CMIP: variants seen among roughly 807,000 people sequenced by gnomAD.
CMIP encodes c-Maf inducing protein.
Under a neutral mutation model 97.3 loss-of-function variants are expected in CMIP, and 13 were observed. The ratio of observed to expected loss-of-function variants is 0.13; its 90% CI spans 0.09 to 0.21. The LOEUF (loss-of-function observed/expected upper bound fraction) is 0.21. CMIP is among the 10% of genes least tolerant of loss of function. The probability of loss-of-function intolerance (pLI) is 1.00; values close to 1 mark genes in which losing one functional copy is unlikely to be tolerated. For missense variants in CMIP, 847 were observed against 1,024.9 expected (o/e 0.83, Z 2.37); for synonymous variants, 538 against 436.3 (o/e 1.23, Z -2.91).
At chr16:81,546,755 G>T (rs1215629267) in intron 1 of CMIP, among the ~76,000 whole-genome samples, 1 of 152,172 alleles carries the variant, frequency 6.6e-6, no homozygotes, top group Non-Finnish European at 1.5e-5. Context: ...CACTGGATGG[G>T]AGCTAGACAT....
chr16:81,690,679 C>G (rs1219471455), intron 10 of CMIP, among the ~76,000 whole-genome samples: 2 of 152,198 alleles, frequency 1.3e-5, no homozygotes, highest in African/African-American at 4.8e-5. Context: ...TATCCCAGCA[C>G]TTTGGGAGGC....
At chr16:81,479,800 C>T (rs764553542) in intron 1 of CMIP, among the ~76,000 whole-genome samples, 2 of 152,186 alleles carry the variant, frequency 1.3e-5, no homozygotes, top group East Asian at 1.9e-4. Flanking sequence ...TTTCCCCCTA[C>T]CCCCGGCTCT....
chr16:81,606,297 C>T (rs1412767761), intron 1 of CMIP, among the ~76,000 whole-genome samples: 2 of 152,188 alleles, frequency 1.3e-5, no homozygotes, highest in African/African-American at 4.8e-5. Context: ...GATACCTGTT[C>T]CACAAGACCT....
intron 1 of CMIP, among the ~76,000 whole-genome samples, chr16:81,459,056 A>T (rs975808670): frequency 7.1e-6 from 1 of 141,402 alleles, no homozygotes; most frequent in East Asian, 2.2e-4. Context: ...CACCATCACC[A>T]TCACTGTCAC....
At chr16:81,554,407 G>A (rs560280833) in intron 1 of CMIP, among the ~76,000 whole-genome samples, 12 of 152,260 alleles carry the variant, frequency 7.9e-5, no homozygotes, top group South Asian at 2.1e-4. Context: ...TGTAGCATCC[G>A]TTCTGCTACT....
At chr16:81,489,780 G>T (rs147951255) in intron 1 of CMIP, among the ~76,000 whole-genome samples, 3 of 152,212 alleles carry the variant, frequency 2.0e-5, no homozygotes, top group African/African-American at 7.2e-5. Flanking sequence ...GGCCCTTCAC[G>T]CTGGGAGCTT....
chr16:81,547,304 G>A lies in CMIP; in HGVS notation c.301-60263G>A, dbSNP rs79926500. 1.9e-3 allele frequency among the ~76,000 whole-genome samples: 290 copies of A among 152,324 alleles called. 1 individual carries two copies. The highest frequency in any genetic ancestry group is 6.2e-3 in the African/African-American group (258 of 41,566). ...TTATGTGGCCGAGGGCATGGGGTGT[G>A]TGCAGCGAGGGTGACTCTGGAGGGG... is the stretch of plus-strand genomic sequence containing the variant. On this transcript the variant is annotated intron_variant, in intron 1 of 20. Transcript: ENST00000537098.
intron 1 of CMIP, among the ~76,000 whole-genome samples, chr16:81,486,580 C>T (rs1161486091): frequency 6.6e-6 from 1 of 152,238 alleles, no homozygotes; most frequent in Non-Finnish European, 1.5e-5. Context: ...CGCCGAGTCC[C>T]TCCAGTCCCG....
At chr16:81,552,626 C>T (rs994173966) in intron 1 of CMIP, among the ~76,000 whole-genome samples, 2 of 152,192 alleles carry the variant, frequency 1.3e-5, no homozygotes, top group Non-Finnish European at 2.9e-5. Context: ...ACCAACTCGA[C>T]AATCTGGGAG....
intron 10 of CMIP, among the ~76,000 whole-genome samples, chr16:81,681,275 G>GT (rs111522117): frequency 5.3e-5 from 8 of 152,340 alleles, no homozygotes; most frequent in African/African-American, 1.9e-4. Context: ...GGCTGCTTAA[G>GT]TTGCTGGCTC....
chr16:81,597,528 T>C (rs981655502), intron 1 of CMIP, among the ~76,000 whole-genome samples: 1 of 150,296 alleles, frequency 6.7e-6, no homozygotes, highest in Admixed American at 6.6e-5. Flanking sequence ...TCTTGCAGGA[T>C]TGTGGGATTA....
At chr16:81,476,103 C>T in intron 1 of CMIP, 2 of 824,408 alleles carry the variant, frequency 2.4e-6, no homozygotes, top group Non-Finnish European at 4.2e-6. Context: ...TCCATGGCCT[C>T]CACAGTCTTC....
intron 1 of CMIP, among the ~76,000 whole-genome samples, chr16:81,534,289 C>T (rs1183885663): frequency 1.3e-5 from 2 of 152,234 alleles, no homozygotes; most frequent in Admixed American, 6.5e-5. Flanking sequence ...ACCTCATTCA[C>T]TGCCCTCATT....
chr16:81,705,268 G>A (rs1470103798), intron 18 of CMIP, among the ~76,000 whole-genome samples: 1 of 152,198 alleles, frequency 6.6e-6, no homozygotes, highest in East Asian at 1.9e-4. Flanking sequence ...TGACTCCAAG[G>A]GGGCCCTGGC....
chr16:81,679,200 G>T (rs927468554), intron 10 of CMIP, among the ~76,000 whole-genome samples: 1 of 152,178 alleles, frequency 6.6e-6, no homozygotes, highest in Non-Finnish European at 1.5e-5. Flanking sequence ...TGCCGAGTGT[G>T]TGTGTTTATA....
At chr16:81,544,562 T>C (rs951663416) in intron 1 of CMIP, among the ~76,000 whole-genome samples, 17 of 151,980 alleles carry the variant, frequency 1.1e-4, no homozygotes, top group African/African-American at 3.6e-4. Context: ...TCTTGGAGCC[T>C]AAGGACTTCT....
chr16:81,486,331 A>G (rs1489734216), intron 1 of CMIP, among the ~76,000 whole-genome samples: 1 of 152,082 alleles, frequency 6.6e-6, no homozygotes, highest in African/African-American at 2.4e-5. Context: ...TCCATCCACT[A>G]GGCCTCAGAG....
intron 1 of CMIP, among the ~76,000 whole-genome samples, chr16:81,466,045 T>G (rs1907185070): frequency 5.4e-5 from 1 of 18,478 alleles, no homozygotes; most frequent in African/African-American, 4.2e-4. Context: ...TTTCATTTGT[T>G]TTTTTTTTAC....
chr16:81,548,744 G>A (rs962476903), intron 1 of CMIP, among the ~76,000 whole-genome samples: 5 of 152,122 alleles, frequency 3.3e-5, no homozygotes, highest in Non-Finnish European at 5.9e-5. Flanking sequence ...TACGTGGGAG[G>A]CTGAGGCAGG....
Sources: allele counts gnomAD v4.1 joint callset (sites outside exome capture counted in the v4.1 genomes callset), GRCh38; gene constraint gnomAD v4.1.1; transcripts MANE v1.5; gene names NCBI Gene and HGNC (gene_info 2026-07-23, HGNC 2026-07-21).